Variants in EBF4 observed in about 807,000 individuals in gnomAD.
EBF4 encodes transcription factor COE4.
In EBF4, 34 loss-of-function variants were observed where a neutral mutation model predicts 67.1. The observed-to-expected ratio is 0.51, with a 90% CI of 0.39 to 0.67. The LOEUF (loss-of-function observed/expected upper bound fraction) is 0.67, where lower values mean the gene tolerates loss of function less well. Ranked by LOEUF, EBF4 falls within the 30% of genes least tolerant of loss-of-function variation. The pLI is 0.00. For missense variants in EBF4, 837 were observed against 873.3 expected, an observed-to-expected ratio of 0.96 and a Z score of 0.52; for synonymous variants, 387 against 377.7, an observed-to-expected ratio of 1.02 and a Z score of -0.29.
At chr20:2,698,910 G>A (rs187639202) in intron 1 of EBF4, among the ~76,000 whole-genome samples, 214 of 152,282 alleles carry the variant, frequency 1.4e-3, no homozygotes, top group Non-Finnish European at 2.8e-3. Context: ...AGAGGAGGCC[G>A]AGGCTCCAGC....
chr20:2,724,652 C>T (rs778636801), intron 6 of EBF4, among the ~76,000 whole-genome samples: 27 of 152,184 alleles, frequency 1.8e-4, no homozygotes, highest in Non-Finnish European at 2.6e-4. Flanking sequence ...TGCCTTTAAT[C>T]CCAACACTTT....
chr20:2,759,281 C>T, exon 17 of EBF4: 1 of 448,096 alleles, frequency 2.2e-6, no homozygotes, highest in Non-Finnish European at 4.1e-6. Context: ...TGCAGCTGTT[C>T]CCATGGAGCC....
rs781283303 is a variant in EBF4 at position 2,748,637 on chromosome 20, C to T, written c.639+7C>T. ...AGACATGCGCCGCTTCCAGGTGGGT[C>T]TGGAGAGAGGGTTTCCCCTTGCAAC... On this transcript the variant is annotated splice_region_variant and intron_variant, in intron 7 of 16. Transcript: ENST00000609451. 6.4e-7 allele frequency: 1 copy of T among 1,550,618 alleles called. No individual in the cohort carries two copies. The highest frequency in any genetic ancestry group is 8.7e-7 in the Non-Finnish European group (1 of 1,146,114).
intron 6 of EBF4, among the ~76,000 whole-genome samples, chr20:2,733,305 C>A (rs1206430785): frequency 6.6e-6 from 1 of 150,716 alleles, no homozygotes; most frequent in Non-Finnish European, 1.5e-5. Context: ...CGAGTTACTT[C>A]TCTCTCTCTC....
intron 6 of EBF4, among the ~76,000 whole-genome samples, chr20:2,735,986 A>G (rs6037392): frequency 0.047 from 7,170 of 152,298 alleles, 568 homozygotes; most frequent in African/African-American, 0.16. Flanking sequence ...GTACCAACCA[A>G]TATGGTAGCC....
rs534000659 is a variant in EBF4 at position 2,745,700 on chromosome 20, T to A, written c.558-2849T>A. Reference sequence around the variant, plus strand: ...CCTTGGGGAGGGCAGAAGTAAAGGATGTCCCAGAGGCAGGACTAGAAGGTG... The same window carrying A: ...CCTTGGGGAGGGCAGAAGTAAAGGAAGTCCCAGAGGCAGGACTAGAAGGTG... On this transcript the variant is annotated intron_variant, in intron 6 of 16. Transcript: ENST00000609451. The surrounding 1 kb of genome is among the most constrained non-coding windows in gnomAD (Gnocchi z 5.2). 6.6e-6 allele frequency among the ~76,000 whole-genome samples: 1 copy of A among 152,166 alleles called. No individual in the cohort carries two copies. Among genetic ancestry groups the A allele is most frequent in the Non-Finnish European group, 1.5e-5 (1 of 68,028 alleles).
intron 6 of EBF4, among the ~76,000 whole-genome samples, chr20:2,737,261 A>AAAAAG (rs1568581196): frequency 4.0e-5 from 6 of 150,320 alleles, no homozygotes; most frequent in South Asian, 2.1e-4. Flanking sequence ...AAAAAAAAAA[A>AAAAAG]AAAAGAAAAG....
At chr20:2,719,978 G>T (rs1017629067) in intron 6 of EBF4, among the ~76,000 whole-genome samples, 1 of 152,136 alleles carries the variant, frequency 6.6e-6, no homozygotes, top group Non-Finnish European at 1.5e-5. Context: ...TGAAAGAAGG[G>T]TATTAAAATC....
intron 1 of EBF4, among the ~76,000 whole-genome samples, chr20:2,695,713 C>T (rs2087279049): frequency 6.6e-6 from 1 of 152,202 alleles, no homozygotes; most frequent in African/African-American, 2.4e-5. Context: ...TCAGTCAGTC[C>T]TCTGCACGGG....
chr20:2,698,154 C>G (rs1449433897), intron 1 of EBF4, among the ~76,000 whole-genome samples: 1 of 152,068 alleles, frequency 6.6e-6, no homozygotes, highest in Admixed American at 6.5e-5. Context: ...TGAGATTCTT[C>G]CCCCTCCCTT....
At chr20:2,709,698 T>A (rs2087513881) in intron 6 of EBF4, 56 bp downstream of exon 6, 2 of 1,460,026 alleles carry the variant, frequency 1.4e-6, no homozygotes, top group Non-Finnish European at 1.8e-6. Flanking sequence ...GAGGGGCAGC[T>A]GTTTTCAACC....
At chr20:2,734,555 A>G (rs6115654) in intron 6 of EBF4, among the ~76,000 whole-genome samples, 7,181 of 152,278 alleles carry the variant, frequency 0.047, 568 homozygotes, top group African/African-American at 0.16. Context: ...TGAAAACTGG[A>G]CATTTTAATC....
At chr20:2,703,796 G>A (rs1388743057) in intron 1 of EBF4, among the ~76,000 whole-genome samples, 1 of 152,174 alleles carries the variant, frequency 6.6e-6, no homozygotes, top group Admixed American at 6.5e-5. Flanking sequence ...TCTGAGGTCA[G>A]AATAAGGGAG....
chr20:2,727,648 A>G (rs904478908), intron 6 of EBF4, among the ~76,000 whole-genome samples: 3 of 152,248 alleles, frequency 2.0e-5, no homozygotes, highest in African/African-American at 7.2e-5. Context: ...AAGAACCACC[A>G]TACTGTTTTC....
intron 15 of EBF4, among the ~76,000 whole-genome samples, chr20:2,758,082 A>T (rs2088273046): frequency 6.6e-6 from 1 of 152,252 alleles, no homozygotes; most frequent in Non-Finnish European, 1.5e-5. Flanking sequence ...AGCCAGTAAA[A>T]CAAGGAGGGC....
intron 1 of EBF4, among the ~76,000 whole-genome samples, chr20:2,704,391 G>T (rs2087421813): frequency 2.0e-5 from 3 of 152,214 alleles, no homozygotes; most frequent in Admixed American, 1.3e-4. Context: ...CACTTTGGAA[G>T]GCCGTGGCTC....
At chr20:2,716,694 G>A (rs6115649) in intron 6 of EBF4, among the ~76,000 whole-genome samples, 12 of 152,092 alleles carry the variant, frequency 7.9e-5, no homozygotes, top group Non-Finnish European at 1.8e-4. Flanking sequence ...TTTTTACTTA[G>A]GAACTACCAA....
At chr20:2,716,470 G>A (rs899329875) in intron 6 of EBF4, among the ~76,000 whole-genome samples, 23 of 151,272 alleles carry the variant, frequency 1.5e-4, no homozygotes, top group Non-Finnish European at 2.4e-4. Flanking sequence ...CGGAGGTTGT[G>A]GTGAGCCGAG....
chr20:2,697,387 T>C (rs2087307386), intron 1 of EBF4, among the ~76,000 whole-genome samples: 1 of 150,048 alleles, frequency 6.7e-6, no homozygotes, highest in African/African-American at 2.5e-5. Context: ...CTACTAAAAA[T>C]ACAAAAAATT....
Sources: gnomAD v4.1 joint callset for allele counts (sites outside exome capture counted in the v4.1 genomes callset) on GRCh38, gnomAD v4.1.1 for gene constraint, Gnocchi (gnomAD v3.1) non-coding constraint, MANE v1.5 for transcripts, NCBI Gene and HGNC (gene_info 2026-07-23, HGNC 2026-07-21) for gene names.